Variants in GRK7 observed in about 807,000 individuals in gnomAD.
GRK7 encodes rhodopsin kinase GRK7.
Under a neutral mutation model 34.1 loss-of-function variants are expected in GRK7, and 24 were observed. The observed-to-expected ratio is 0.70, with a 90% CI of 0.51 to 0.99. The LOEUF (loss-of-function observed/expected upper bound fraction) is 0.99. Among genes scored for constraint, GRK7 ranks in the 50% least tolerant of loss-of-function variants. The pLI is 0.00. For synonymous variants in GRK7, 256 were observed against 279.4 expected (o/e 0.92, Z 0.84); for missense variants, 644 against 707.3 (o/e 0.91, Z 1.02).
intron 1 of GRK7, among the ~76,000 whole-genome samples, chr3:141,768,271 CTTTTT>C (rs550541266): frequency 7.3e-6 from 1 of 137,914 alleles, no homozygotes. Context: ...TCCTGTCAGC[CTTTTT>C]TTTTTTTTTT....
Position 141,780,763 on chromosome 3 carries a change from C to A in GRK7, c.1002C>A (p.Asp334Glu). ...LDDLGNCRLS[D>E]LGLAVEMKGG... ...ACCTCGGCAACTGCAGGTTATCTGACCTGGGGCTGGCCGTGGAGATGAAGG... is the reference window on the plus strand; with the variant it reads ...ACCTCGGCAACTGCAGGTTATCTGAACTGGGGCTGGCCGTGGAGATGAAGG... The change falls in exon 4 of 6, where the codon GAC becomes GAA. Residue 334 changes from aspartate (D) to glutamate (E), a missense_variant. Asp to Glu is a conservative substitution (Grantham distance 45). Coordinates refer to ENST00000682958, the MANE Select transcript of GRK7 (RefSeq NM_139209.3). 1 of 1,614,164 alleles carries A rather than the reference C, an allele frequency of 6.2e-7. No individual in the cohort carries two copies. Among genetic ancestry groups the A allele is most frequent in the South Asian group, 1.1e-5 (1 of 91,080 alleles).
At chr3:141,771,493 A>G (rs2084616658) in intron 1 of GRK7, among the ~76,000 whole-genome samples, 2 of 134,082 alleles carry the variant, frequency 1.5e-5, no homozygotes, top group Non-Finnish European at 3.2e-5. Flanking sequence ...GGGATAAGAA[A>G]TTACTTAGAG....
At chr3:141,787,802 G>C (rs2084703843) in intron 4 of GRK7, among the ~76,000 whole-genome samples, 1 of 149,598 alleles carries the variant, frequency 6.7e-6, no homozygotes, top group Non-Finnish European at 1.5e-5. Context: ...GAGGCCAGAA[G>C]TTTGAGACCA....
rs574991320 is a variant in GRK7 at position 141,765,263 on chromosome 3, C to G, written c.-690C>G. ...AGCTGTTCCTTCTCCCTGAAGTGCT[C>G]TACCCTCAGGCAGTCACATGGCTCA... is the stretch of plus-strand genomic sequence containing the variant. On this transcript the variant is annotated 5_prime_UTR_variant, in exon 1 of 6. Transcript: ENST00000682958. Among the ~76,000 whole-genome samples, 4 of 152,322 alleles carry G rather than the reference C, an allele frequency of 2.6e-5. No individual in the cohort carries two copies. The East Asian group carries it at 7.7e-4, about 29-fold the overall frequency.
chr3:141,751,323 A>G, the GRK7 span, among the ~76,000 whole-genome samples: 2 of 152,126 alleles, frequency 1.3e-5, no homozygotes. Context: ...TTATAATAAA[A>G]GTTTATTGCA....
intron 2 of GRK7, among the ~76,000 whole-genome samples, chr3:141,775,278 T>C (rs1197873487): frequency 1.3e-5 from 2 of 152,074 alleles, no homozygotes; most frequent in Non-Finnish European, 2.9e-5. Flanking sequence ...CAGGTGCCTG[T>C]AGTCTCAGCT....
intron 4 of GRK7, among the ~76,000 whole-genome samples, chr3:141,798,336 C>T (rs1710915920): frequency 6.6e-6 from 1 of 152,212 alleles, no homozygotes; most frequent in South Asian, 2.1e-4. Context: ...TGTTCGATGT[C>T]GCCCAATGCT....
intron 4 of GRK7, among the ~76,000 whole-genome samples, chr3:141,789,663 A>AAAAAAAAAAAAAAAAAAAAAAAC (rs796539386): frequency 2.7e-5 from 4 of 146,768 alleles, no homozygotes; most frequent in African/African-American, 5.1e-5. Context: ...GGGCAAAAAA[A>AAAAAAAAAAAAAAAAAAAAAAAC]AAAAAAACAC....
rs1373424408 is a variant in GRK7, at chr3:141,795,511, G to C, written c.1051-12134G>C. ...CAGTGTGGAGTCATGAGGTGGGAGG[G>C]GTGACTAACGATACAACTAGAGAGT... On this transcript the variant is annotated intron_variant, in intron 4 of 5. Transcript: ENST00000682958. 7.9e-5 allele frequency among the ~76,000 whole-genome samples: 12 copies of C among 152,296 alleles called. No individual in the cohort carries two copies. In the East Asian group the frequency reaches 2.3e-3, roughly 29 times the overall value.
Position 141,817,217 on chromosome 3 carries a change from CTT to C in GRK7, c.*171_*172del, listed in dbSNP as rs1344593703. ...TCACTACTAGAACACATTTTATTTT[CTT>C]TTTCTTTCTTCATAAAGATGAGTAA... On this transcript the variant is annotated 3_prime_UTR_variant, in exon 6 of 6. Transcript: ENST00000682958. The C allele has an allele frequency of 3.9e-6, 2 of 515,912 alleles. No homozygotes were observed. The highest frequency in any genetic ancestry group is 6.1e-5 in the East Asian group (2 of 32,668). 32.0% of individuals were successfully genotyped at this position (515,912 alleles called of 1,614,324 possible).
chr3:141,754,217 G>A, the GRK7 span, among the ~76,000 whole-genome samples: 1 of 152,194 alleles, frequency 6.6e-6, no homozygotes, highest in Non-Finnish European at 1.5e-5. Flanking sequence ...GGCTGGTACA[G>A]CAGGTCAGTG....
Position 141,817,270 on chromosome 3 carries a change from G to A in GRK7, c.*220G>A, listed in dbSNP as rs1286262062. Reference sequence around the variant, plus strand: ...AGTCTCAGTTTTCACTGAGGGCAGGGAAAAGGAACACTCAGGTTTATTTTG... The same window carrying A: ...AGTCTCAGTTTTCACTGAGGGCAGGAAAAAGGAACACTCAGGTTTATTTTG... On this transcript the variant is annotated 3_prime_UTR_variant, in exon 6 of 6. Transcript: ENST00000682958. 2.2e-6 allele frequency: 1 copy of A among 456,850 alleles called. No individual in the cohort carries two copies. The highest frequency in any genetic ancestry group is 2.0e-5 in the African/African-American group (1 of 50,768). 28.3% of individuals were successfully genotyped at this position (456,850 alleles called of 1,614,324 possible). A position where few individuals can be genotyped will look rare whatever the true frequency, so the allele number is the denominator to read the frequency against.
At chr3:141,794,669 G>A (rs2084740864) in intron 4 of GRK7, among the ~76,000 whole-genome samples, 1 of 152,170 alleles carries the variant, frequency 6.6e-6, no homozygotes, top group Non-Finnish European at 1.5e-5. Context: ...CAGATTGGAG[G>A]AGATTCAGGT....
chr3:141,814,658 G>A (rs1711130691), intron 5 of GRK7, among the ~76,000 whole-genome samples: 1 of 152,084 alleles, frequency 6.6e-6, no homozygotes, highest in Admixed American at 6.5e-5. Context: ...CCGTGTCTTT[G>A]CTATTGTGAA....
chr3:141,756,008 TA>T, the GRK7 span, among the ~76,000 whole-genome samples: 4,953 of 137,466 alleles, frequency 0.036, 177 homozygotes, highest in African/African-American at 0.095. Flanking sequence ...CTCAGCAGTT[TA>T]AAAAAAAAAA....
At position 141,807,734 on chromosome 3, in the gene GRK7, C is replaced by T. The variant is rs753244680; in HGVS notation, c.1140C>T (p.Ser380=). The part of the protein sequence containing the change: ...YPVDWFAMGC[S]IYEMVAGRTP... ...TGGACTGGTTTGCCATGGGATGCAGCATTTATGAAATGGTTGCTGGACGAA... is the reference window on the plus strand; with the variant it reads ...TGGACTGGTTTGCCATGGGATGCAGTATTTATGAAATGGTTGCTGGACGAA... Residue 380 remains serine, a synonymous_variant, in exon 5 of 6, where the codon AGC becomes AGT. Coordinates refer to ENST00000682958, the MANE Select transcript of GRK7 (RefSeq NM_139209.3). 5.6e-6 allele frequency: 9 copies of T among 1,613,934 alleles called. No homozygotes were observed. In the South Asian group the frequency reaches 9.9e-5, roughly 18 times the overall value.
At chr3:141,754,584 G>T in the GRK7 span, among the ~76,000 whole-genome samples, 1 of 152,028 alleles carries the variant, frequency 6.6e-6, no homozygotes, top group Admixed American at 6.6e-5. Flanking sequence ...GGGATTACAG[G>T]TGCATGCCTC....
intron 4 of GRK7, among the ~76,000 whole-genome samples, chr3:141,793,854 T>A (rs537069212): frequency 6.6e-6 from 1 of 152,302 alleles, no homozygotes; most frequent in African/African-American, 2.4e-5. Context: ...CCTCCTTTCA[T>A]GCTCTATTTT....
Position 141,778,055 on chromosome 3 carries a change from G to A in GRK7, c.-113-117G>A, listed in dbSNP as rs1398421563. ...CCCGGCAGGTGTCCCAGCAGCTTTCGCCTTGGCAGGTGGGAGCATGACCTA... is the reference window on the plus strand; with the variant it reads ...CCCGGCAGGTGTCCCAGCAGCTTTCACCTTGGCAGGTGGGAGCATGACCTA... On this transcript the variant is annotated intron_variant, in intron 2 of 5. Coordinates refer to ENST00000682958, the MANE Select transcript of GRK7 (RefSeq NM_139209.3). This position sits in a 1 kb window ranked among gnomAD's most constrained non-coding sequence, Gnocchi z 4.1. The A allele has an allele frequency of 1.2e-5, 6 of 510,722 alleles. No homozygotes were observed. Among genetic ancestry groups the A allele is most frequent in the Non-Finnish European group, 2.0e-5 (6 of 296,830 alleles). The allele number at this position is 510,722 out of a possible 1,614,324, so 31.6% of individuals were successfully genotyped here. A position where few individuals can be genotyped will look rare whatever the true frequency, so the allele number is the denominator to read the frequency against.
Sources: gnomAD v4.1 joint callset for allele counts (sites outside exome capture counted in the v4.1 genomes callset) on GRCh38, gnomAD v4.1.1 for gene constraint, Gnocchi (gnomAD v3.1) non-coding constraint, MANE v1.5 for transcripts, NCBI Gene and HGNC (gene_info 2026-07-23, HGNC 2026-07-21) for gene names.